The following ZNF438 variants were observed in gnomAD, a reference collection of about 807,000 sequenced individuals.
ZNF438 encodes the protein zinc finger protein 438.
ZNF438 carries 25 observed loss-of-function variants against 38.0 expected under a neutral mutation model. The observed-to-expected ratio is 0.66, with a 90% CI of 0.48 to 0.92. The LOEUF is 0.92. Among genes scored for constraint, ZNF438 ranks in the 40% least tolerant of loss-of-function variants. ZNF438 has a pLI of 0.00. For missense variants in ZNF438, 1,007 were observed against 999.6 expected, an observed-to-expected ratio of 1.01 and a Z score of -0.10; for synonymous variants, 372 against 364.1, an observed-to-expected ratio of 1.02 and a Z score of -0.25.
At position 30,848,649 on chromosome 10, in the gene ZNF438, G is replaced by A. The variant is rs996107613; in HGVS notation, c.1756C>T (p.Leu586=). Residue 586 remains leucine (L), a synonymous_variant, in exon 5 of 6, where the codon CTG becomes TTG. Transcript: ENST00000413025. ...ATCACAACCCTATGCACTTCTTTCA[G>A]ATGGCCAAAATAGACTCGGATGTGG... 5.6e-6 allele frequency: 9 copies of A among 1,614,104 alleles called. No individual in the cohort carries two copies. The Admixed American group carries it at 6.7e-5, about 12-fold the overall frequency.
At chr10:30,984,693 G>C (rs190917411) in intron 1 of ZNF438, among the ~76,000 whole-genome samples, 173 of 152,276 alleles carry the variant, frequency 1.1e-3, no homozygotes, top group Middle Eastern at 6.8e-3. Flanking sequence ...AATAAAACTG[G>C]CTAAGAAGAA....
chr10:30,851,452 C>A (rs902082462), intron 4 of ZNF438, among the ~76,000 whole-genome samples: 4 of 152,382 alleles, frequency 2.6e-5, no homozygotes, highest in Admixed American at 2.6e-4. Context: ...TAGGCACCTA[C>A]ATTATTCCAA....
chr10:30,874,998 G>A (rs1448466826), intron 4 of ZNF438, among the ~76,000 whole-genome samples: 1 of 152,110 alleles, frequency 6.6e-6, no homozygotes, highest in African/African-American at 2.4e-5. Context: ...AGGATGTAAA[G>A]TTGTAGGTAG....
chr10:30,982,703 A>G (rs1192732391), intron 1 of ZNF438, among the ~76,000 whole-genome samples: 1 of 152,194 alleles, frequency 6.6e-6, no homozygotes, highest in Non-Finnish European at 1.5e-5. Context: ...ACCATCTACA[A>G]GACCTGCATG....
intron 1 of ZNF438, among the ~76,000 whole-genome samples, chr10:30,994,475 T>C (rs2053844104): frequency 6.6e-6 from 1 of 152,196 alleles, no homozygotes; most frequent in Non-Finnish European, 1.5e-5. Flanking sequence ...CATCTGTTTA[T>C]AAAATCCAGT....
intron 2 of ZNF438, among the ~76,000 whole-genome samples, chr10:30,922,687 T>C (rs1025199391): frequency 6.6e-6 from 1 of 151,920 alleles, no homozygotes; most frequent in Non-Finnish European, 1.5e-5. Flanking sequence ...TACAAAAAAT[T>C]AGCTGGGAAT....
At chr10:30,981,005 C>T (rs544700032) in intron 1 of ZNF438, among the ~76,000 whole-genome samples, 1 of 152,334 alleles carries the variant, frequency 6.6e-6, no homozygotes, top group East Asian at 1.9e-4. Context: ...TGTTCAACTA[C>T]CCCATCCCTG....
At chr10:31,028,863 T>C (rs1251656596) in intron 1 of ZNF438, among the ~76,000 whole-genome samples, 1 of 152,158 alleles carries the variant, frequency 6.6e-6, no homozygotes, top group Non-Finnish European at 1.5e-5. Flanking sequence ...CAGTGGGGAA[T>C]ACCAGATACT....
intron 1 of ZNF438, among the ~76,000 whole-genome samples, chr10:30,987,695 C>T (rs1009518813): frequency 2.6e-5 from 4 of 151,944 alleles, no homozygotes; most frequent in African/African-American, 9.7e-5. Flanking sequence ...CACCCACCAC[C>T]CCCCATCCAA....
At chr10:31,024,538 G>T (rs1474706763) in intron 1 of ZNF438, among the ~76,000 whole-genome samples, 2 of 152,140 alleles carry the variant, frequency 1.3e-5, no homozygotes, top group African/African-American at 2.4e-5. Context: ...TGAGGCAAGA[G>T]AATGGCGTGA....
At chr10:30,867,805 A>C in intron 4 of ZNF438, among the ~76,000 whole-genome samples, 1 of 152,234 alleles carries the variant, frequency 6.6e-6, no homozygotes, top group African/African-American at 2.4e-5. Context: ...TTGATAATAA[A>C]GTATTAAAAG....
intron 2 of ZNF438, among the ~76,000 whole-genome samples, chr10:30,915,249 A>AATGGG (rs2043488631): frequency 1.3e-5 from 2 of 152,076 alleles, no homozygotes; most frequent in African/African-American, 4.8e-5. Flanking sequence ...CCTTAACTTC[A>AATGGG]ATACTTAGGA....
At chr10:30,925,064 CTAATTT>C (rs1211907222) in intron 2 of ZNF438, among the ~76,000 whole-genome samples, 1 of 152,176 alleles carries the variant, frequency 6.6e-6, no homozygotes, top group African/African-American at 2.4e-5. Context: ...GCTCAACTCT[CTAATTT>C]TAAGAATTTA....
chr10:30,966,163 C>G (rs2050094013), intron 1 of ZNF438, among the ~76,000 whole-genome samples: 1 of 151,982 alleles, frequency 6.6e-6, no homozygotes, highest in African/African-American at 2.4e-5. Context: ...GAGACCCTGT[C>G]TCTACAAAAT....
intron 1 of ZNF438, among the ~76,000 whole-genome samples, chr10:30,965,963 AT>A (rs1341418911): frequency 6.6e-6 from 1 of 152,114 alleles, no homozygotes; most frequent in Non-Finnish European, 1.5e-5. Context: ...TACGTACTAA[AT>A]GCATCACTCT....
chr10:30,850,840 A>G (rs1408762238), intron 4 of ZNF438, among the ~76,000 whole-genome samples: 1 of 152,132 alleles, frequency 6.6e-6, no homozygotes, highest in Non-Finnish European at 1.5e-5. Flanking sequence ...TATTCATCTC[A>G]TCTTGATATT....
chr10:30,947,162 G>C (rs1385321070), intron 1 of ZNF438, among the ~76,000 whole-genome samples: 1 of 152,196 alleles, frequency 6.6e-6, no homozygotes, highest in African/African-American at 2.4e-5. Flanking sequence ...TGTGATTACA[G>C]CTGTCTTTTA....
chr10:30,928,781 C>CAT (rs2045269177), intron 2 of ZNF438, among the ~76,000 whole-genome samples: 1 of 152,146 alleles, frequency 6.6e-6, no homozygotes, highest in Admixed American at 6.5e-5. Context: ...ACAAACCCCT[C>CAT]ATCTCGTGGA....
chr10:30,892,256 T>G (rs1014477867), intron 3 of ZNF438, among the ~76,000 whole-genome samples: 1 of 152,170 alleles, frequency 6.6e-6, no homozygotes, highest in Non-Finnish European at 1.5e-5. Flanking sequence ...TTCCTATACA[T>G]ACATACCTAT....
Sources: allele counts gnomAD v4.1 joint callset (sites outside exome capture counted in the v4.1 genomes callset), GRCh38; gene constraint gnomAD v4.1.1; transcripts MANE v1.5; gene names NCBI Gene and HGNC (gene_info 2026-07-23, HGNC 2026-07-21).